Variants in TFEC observed in about 807,000 individuals in gnomAD.
TFEC encodes the protein class E basic helix-loop-helix protein 34.
In TFEC, 31 loss-of-function variants were observed where a neutral mutation model predicts 41.6. The observed-to-expected ratio is 0.74, with a 90% CI of 0.56 to 1.01. The LOEUF (loss-of-function observed/expected upper bound fraction) is 1.01, where lower values mean the gene tolerates loss of function less well. Ranked by LOEUF, TFEC falls within the 50% of genes least tolerant of loss-of-function variation. TFEC has a pLI of 0.00. For synonymous variants in TFEC, 143 were observed against 140.6 expected (o/e 1.02, Z -0.12); for missense variants, 402 against 404.1 (o/e 0.99, Z 0.04).
chr7:116,128,605 A>C (rs938665418), intron 1 of TFEC, among the ~76,000 whole-genome samples: 1 of 152,216 alleles, frequency 6.6e-6, no homozygotes, highest in African/African-American at 2.4e-5. Flanking sequence ...TGCTTCTCAA[A>C]GTATGATCAT....
intron 3 of TFEC, among the ~76,000 whole-genome samples, chr7:116,041,321 C>T (rs548392473): frequency 3.0e-4 from 45 of 151,664 alleles, no homozygotes; most frequent in African/African-American, 9.9e-4. Flanking sequence ...AACAAAACTG[C>T]TAGAGAGAGA....
chr7:115,966,320 G>A (rs1474151788), intron 3 of TFEC, among the ~76,000 whole-genome samples: 1 of 151,642 alleles, frequency 6.6e-6, no homozygotes, highest in African/African-American at 2.4e-5. Flanking sequence ...GTGTGAGGGG[G>A]AAGAATGTTA....
chr7:116,081,317 T>A (rs1038485902), intron 3 of TFEC, among the ~76,000 whole-genome samples: 1 of 148,890 alleles, frequency 6.7e-6, no homozygotes. Context: ...AAAAAAAAAA[T>A]AAGTCCATCT....
chr7:115,956,139 T>A (rs932372303), intron 4 of TFEC, among the ~76,000 whole-genome samples: 4 of 152,012 alleles, frequency 2.6e-5, no homozygotes, highest in African/African-American at 9.7e-5. Flanking sequence ...TATGCTCCTA[T>A]AATTTGAGTT....
chr7:116,019,275 C>A (rs936593666), intron 1 of TFEC, among the ~76,000 whole-genome samples: 1 of 152,192 alleles, frequency 6.6e-6, no homozygotes, highest in Non-Finnish European at 1.5e-5. Flanking sequence ...CAATTGCTCA[C>A]TAATTCTCTA....
chr7:116,038,348 T>G (rs1795958137), intron 3 of TFEC, among the ~76,000 whole-genome samples: 1 of 151,974 alleles, frequency 6.6e-6, no homozygotes, highest in South Asian at 2.1e-4. Context: ...CCCTTATCAT[T>G]TCCCCATTTT....
At chr7:116,056,348 C>G (rs1219800741) in intron 3 of TFEC, among the ~76,000 whole-genome samples, 1 of 152,034 alleles carries the variant, frequency 6.6e-6, no homozygotes, top group Admixed American at 6.6e-5. Context: ...CTAGAGTTCT[C>G]AAGACAGTAT....
At chr7:115,983,809 G>T (rs560074065) in intron 2 of TFEC, among the ~76,000 whole-genome samples, 1 of 152,134 alleles carries the variant, frequency 6.6e-6, no homozygotes, top group East Asian at 1.9e-4. Context: ...AAAAGATCCA[G>T]ATATAATTTC....
chr7:116,033,285 G>A (rs567876097), upstream of TFEC, among the ~76,000 whole-genome samples: 3 of 152,188 alleles, frequency 2.0e-5, no homozygotes, highest in Non-Finnish European at 2.9e-5. Flanking sequence ...GAGTCAGACT[G>A]ATTTGGTCTC....
At chr7:116,000,355 T>G (rs1794541920) in intron 1 of TFEC, among the ~76,000 whole-genome samples, 1 of 152,008 alleles carries the variant, frequency 6.6e-6, no homozygotes, top group African/African-American at 2.4e-5. Context: ...GATAATATAC[T>G]GAGCAGGAAA....
chr7:116,058,212 A>T (rs1216658575), intron 3 of TFEC, among the ~76,000 whole-genome samples: 3 of 151,832 alleles, frequency 2.0e-5, no homozygotes, highest in Non-Finnish European at 4.4e-5. Context: ...ACTAACACGG[A>T]TCAAAAGGCA....
intron 1 of TFEC, among the ~76,000 whole-genome samples, chr7:116,112,719 C>T (rs1797884143): frequency 1.3e-5 from 2 of 151,856 alleles, no homozygotes; most frequent in African/African-American, 4.8e-5. Context: ...ATGCTTTAAA[C>T]TAGAATATAT....
intron 3 of TFEC, among the ~76,000 whole-genome samples, chr7:116,049,286 A>G (rs758596573): frequency 2.6e-4 from 40 of 152,202 alleles, no homozygotes; most frequent in Non-Finnish European, 4.4e-4. Context: ...ATGGAGGAAG[A>G]TCTACCAAGC....
Position 116,071,357 on chromosome 7 carries a change from A to G in TFEC, c.198+39351T>C, listed in dbSNP as rs145703431. Among the ~76,000 whole-genome samples, 42 of 151,234 alleles carry G rather than the reference A, an allele frequency of 2.8e-4. No homozygotes were observed. The East Asian group carries it at 7.5e-3, about 27-fold the overall frequency. On this transcript the variant is annotated intron_variant, in intron 3 of 8. Transcript: ENST00000484212. ...AGCAGGCATACTAGAGTTAAAAAAA[A>G]AAAACCTGAATATGGATCAAGGTAT...
chr7:116,068,044 T>C (rs1796736227), intron 3 of TFEC, among the ~76,000 whole-genome samples: 1 of 151,864 alleles, frequency 6.6e-6, no homozygotes, highest in African/African-American at 2.4e-5. Context: ...CATAAAAATA[T>C]CGACCATTTG....
intron 2 of TFEC, among the ~76,000 whole-genome samples, chr7:115,979,477 T>C (rs766701969): frequency 1.3e-5 from 2 of 152,160 alleles, no homozygotes; most frequent in African/African-American, 2.4e-5. Flanking sequence ...AACCTGAAGC[T>C]CCTATATGGT....
chr7:116,159,427 A>G (rs1317679611), intron 1 of TFEC, among the ~76,000 whole-genome samples: 2 of 152,016 alleles, frequency 1.3e-5, no homozygotes, highest in Non-Finnish European at 2.9e-5. Context: ...TATATTGCAT[A>G]AAAGGAGAGA....
intron 1 of TFEC, among the ~76,000 whole-genome samples, chr7:115,987,996 A>G (rs778440338): frequency 6.6e-6 from 1 of 152,190 alleles, no homozygotes; most frequent in Non-Finnish European, 1.5e-5. Context: ...TTTTAAAACA[A>G]TAAGTAAATC....
chr7:116,137,137 T>C (rs1406658748), intron 1 of TFEC, among the ~76,000 whole-genome samples: 1 of 152,142 alleles, frequency 6.6e-6, no homozygotes, highest in Non-Finnish European at 1.5e-5. Flanking sequence ...TTCCTCATCA[T>C]CATGGACTTC....
Sources: gnomAD v4.1 joint callset for allele counts (sites outside exome capture counted in the v4.1 genomes callset) on GRCh38, gnomAD v4.1.1 for gene constraint, MANE v1.5 for transcripts, NCBI Gene and HGNC (gene_info 2026-07-23, HGNC 2026-07-21) for gene names.